KIF26B: variants seen among roughly 807,000 people sequenced by gnomAD.
KIF26B encodes the protein kinesin-like protein KIF26B.
In KIF26B, 63 loss-of-function variants were observed where a neutral mutation model predicts 151.2. The ratio of observed to expected loss-of-function variants is 0.42; its 90% CI spans 0.34 to 0.51. KIF26B has a LOEUF of 0.51. KIF26B is among the 20% of genes least tolerant of loss of function. KIF26B has a pLI of 0.07. For missense variants in KIF26B, 2,813 were observed against 2,913.6 expected (o/e 0.97, Z 0.79); for synonymous variants, 1,357 against 1,262.1 (o/e 1.08, Z -1.59).
At chr1:245,480,592 T>C (rs1660144137) in intron 4 of KIF26B, among the ~76,000 whole-genome samples, 1 of 151,654 alleles carries the variant, frequency 6.6e-6, no homozygotes, top group Admixed American at 6.6e-5. Flanking sequence ...GCACTAATGC[T>C]TTCCAAGAGT....
At chr1:245,351,539 T>C (rs1402591913) in intron 2 of KIF26B, among the ~76,000 whole-genome samples, 1 of 151,828 alleles carries the variant, frequency 6.6e-6, no homozygotes, top group African/African-American at 2.4e-5. Flanking sequence ...ATGTTATGTT[T>C]ATAGAGCTCT....
At chr1:245,267,634 G>GCACGCA (rs1326215877) in intron 2 of KIF26B, among the ~76,000 whole-genome samples, 3 of 136,234 alleles carry the variant, frequency 2.2e-5, no homozygotes, top group Non-Finnish European at 3.2e-5. Flanking sequence ...GCTAAGTAAT[G>GCACGCA]CACACACACA....
At chr1:245,576,083 T>C (rs1572136588) in intron 5 of KIF26B, among the ~76,000 whole-genome samples, 2 of 152,166 alleles carry the variant, frequency 1.3e-5, no homozygotes, top group African/African-American at 4.8e-5. Context: ...CTTTGAAAAG[T>C]CCAAATGGCT....
chr1:245,280,114 A>G (rs1453258155), intron 2 of KIF26B, among the ~76,000 whole-genome samples: 1 of 151,958 alleles, frequency 6.6e-6, no homozygotes. Flanking sequence ...GCTGCTCCCC[A>G]TTGGGCGCCC....
chr1:245,511,044 C>G, intron 4 of KIF26B: 1 of 711,788 alleles, frequency 1.4e-6, no homozygotes, highest in Non-Finnish European at 2.6e-6. Context: ...TTGAGAGAAG[C>G]TATTTATTAG....
intron 10 of KIF26B, among the ~76,000 whole-genome samples, chr1:245,681,860 A>C (rs1288232542): frequency 6.6e-6 from 1 of 152,256 alleles, no homozygotes; most frequent in East Asian, 1.9e-4. Flanking sequence ...AAAGCATCTT[A>C]TTAACAAGGT....
intron 4 of KIF26B, among the ~76,000 whole-genome samples, chr1:245,485,817 C>T (rs77408995): frequency 3.1e-4 from 47 of 152,360 alleles, no homozygotes; most frequent in Non-Finnish European, 3.5e-4. Context: ...AGAGGGCACA[C>T]GGTGCCCTTT....
At chr1:245,482,118 G>A (rs1469855394) in intron 4 of KIF26B, among the ~76,000 whole-genome samples, 1 of 151,824 alleles carries the variant, frequency 6.6e-6, no homozygotes, top group Non-Finnish European at 1.5e-5. Flanking sequence ...TTGATACAGA[G>A]TCTTGCTCTG....
At position 245,440,544 on chromosome 1, in the gene KIF26B, C is replaced by T. The variant is rs145894064; in HGVS notation, c.1166+20799C>T. Among the ~76,000 whole-genome samples, 864 of 152,136 alleles carry T rather than the reference C, an allele frequency of 5.7e-3. 11 individuals carry two copies. The highest frequency in any genetic ancestry group is 0.02 in the African/African-American group (837 of 41,480). On this transcript the variant is annotated intron_variant, in intron 4 of 14. Coordinates refer to ENST00000407071, the MANE Select transcript of KIF26B (RefSeq NM_018012.4). The stretch of plus-strand genomic sequence containing the variant: ...TAATCCACAGATGGCAGGCTGCTTG[C>T]AAGCTATTAGACAAAGCCAGGGGTG...
chr1:245,326,843 C>T (rs1671999394), intron 2 of KIF26B, among the ~76,000 whole-genome samples: 2 of 152,338 alleles, frequency 1.3e-5, no homozygotes, highest in South Asian at 2.1e-4. Flanking sequence ...ATGTCCAAGT[C>T]ATCTGGCCAG....
chr1:245,474,115 T>C (rs1345184210), intron 4 of KIF26B, among the ~76,000 whole-genome samples: 23 of 150,560 alleles, frequency 1.5e-4, no homozygotes, highest in Admixed American at 1.5e-3. Context: ...AGGTCCTTTT[T>C]TTTTTTTTTT....
intron 2 of KIF26B, among the ~76,000 whole-genome samples, chr1:245,171,840 C>T (rs1414494702): frequency 1.3e-5 from 2 of 152,162 alleles, no homozygotes; most frequent in East Asian, 1.9e-4. Flanking sequence ...AAGGCCTTAA[C>T]CATTTTCCGT....
rs1002904448 is a variant in KIF26B at position 245,698,055 on chromosome 1, A to C, written c.5825-51A>C. 1.9e-6 allele frequency: 3 copies of C among 1,543,106 alleles called. No homozygotes were observed. The highest frequency in any genetic ancestry group is 1.7e-4 in the Middle Eastern group (1 of 5,810). On this transcript the variant is annotated intron_variant, in intron 12 of 14. Transcript: ENST00000407071. This position sits in a 1 kb window ranked among gnomAD's most constrained non-coding sequence, Gnocchi z 4.0. Reference sequence around the variant, plus strand: ...AGACCCTGTCTCAAAAAAACAACAAAAAAATTGAAATTCAGAAAGACTAAC... The same window carrying C: ...AGACCCTGTCTCAAAAAAACAACAACAAAATTGAAATTCAGAAAGACTAAC...
intron 10 of KIF26B, among the ~76,000 whole-genome samples, chr1:245,671,078 C>T (rs902853980): frequency 3.3e-5 from 5 of 152,154 alleles, no homozygotes; most frequent in African/African-American, 1.2e-4. Flanking sequence ...TTAGGTCTCA[C>T]AAACAAGTGA....
chr1:245,290,220 C>T (rs1671233629), intron 2 of KIF26B, among the ~76,000 whole-genome samples: 1 of 152,186 alleles, frequency 6.6e-6, no homozygotes, highest in African/African-American at 2.4e-5. Flanking sequence ...GAAGTAGTGT[C>T]TGTCTCACCT....
chr1:245,386,336 T>A (rs79419760), intron 3 of KIF26B, among the ~76,000 whole-genome samples: 4 of 147,722 alleles, frequency 2.7e-5, no homozygotes, highest in Admixed American at 6.7e-5. Context: ...GTAATTGATC[T>A]AAAAAAAAAA....
intron 2 of KIF26B, among the ~76,000 whole-genome samples, chr1:245,260,114 A>G (rs930696014): frequency 2.0e-5 from 3 of 152,056 alleles, no homozygotes; most frequent in African/African-American, 7.2e-5. Context: ...TGAGCCAGGC[A>G]AGGAGAGGAG....
At chr1:245,565,163 A>G (rs1015868343) in intron 5 of KIF26B, among the ~76,000 whole-genome samples, 1 of 152,130 alleles carries the variant, frequency 6.6e-6, no homozygotes, top group African/African-American at 2.4e-5. Context: ...TAAAATTTGT[A>G]TAGTTTTTGG....
intron 3 of KIF26B, chr1:245,370,812 C>G (rs1572028451): frequency 8.4e-6 from 3 of 356,934 alleles, no homozygotes; most frequent in East Asian, 1.5e-4. Context: ...CCTCTTACTT[C>G]CCAAACTCAG....
Sources: allele counts gnomAD v4.1 joint callset (sites outside exome capture counted in the v4.1 genomes callset), GRCh38; gene constraint gnomAD v4.1.1; non-coding constraint Gnocchi (gnomAD v3.1); transcripts MANE v1.5; gene names NCBI Gene and HGNC (gene_info 2026-07-23, HGNC 2026-07-21).